Variants in TEX9 observed in about 807,000 individuals in gnomAD.
TEX9 encodes the protein testis-expressed protein 9.
A neutral mutation model predicts 59.6 loss-of-function variants in TEX9; 74 were observed. That is an observed-to-expected ratio of 1.24 (90% confidence interval 1.03 to 1.51). The LOEUF (loss-of-function observed/expected upper bound fraction) is 1.51. Ranked by LOEUF, TEX9 falls within the 40% of genes most tolerant of loss-of-function variation. The pLI, the probability that TEX9 is intolerant of heterozygous loss-of-function variation, is 0.00. For synonymous variants in TEX9, 186 were observed against 152.2 expected, an observed-to-expected ratio of 1.22 and a Z score of -1.64; for missense variants, 522 against 447.8, an observed-to-expected ratio of 1.17 and a Z score of -1.49.
In TEX9 at chr15:56,290,937, A is replaced by G. The variant is rs2045075600; in HGVS notation, c.-107+46659A>G. 2.6e-5 allele frequency among the ~76,000 whole-genome samples: 4 copies of G among 152,064 alleles called. 1 individual carries two copies. The South Asian group carries it at 8.3e-4, about 31-fold the overall frequency. ...ATCTTCTACTCTGCCATCTTGGTTG[A>G]CAAAGTACATTTTGGTCATGGCACA... On this transcript the variant is annotated intron_variant, in intron 1 of 5. Transcript: ENST00000560827.
At chr15:56,405,320 A>G (rs1401884880) in intron 9 of TEX9, among the ~76,000 whole-genome samples, 33 of 151,396 alleles carry the variant, frequency 2.2e-4, no homozygotes, top group Admixed American at 2.2e-3. Flanking sequence ...GAAAAAAAAA[A>G]AAAAAAAAGG....
At chr15:56,395,372 A>C (rs1390897423) in intron 9 of TEX9, 2 of 152,330 alleles carry the variant, frequency 1.3e-5, no homozygotes, top group Non-Finnish European at 2.9e-5. Context: ...TCTGTTTATC[A>C]GTTCGTAGCT....
At chr15:56,267,574 T>C (rs2044417016) in intron 1 of TEX9, among the ~76,000 whole-genome samples, 1 of 152,248 alleles carries the variant, frequency 6.6e-6, no homozygotes, top group Non-Finnish European at 1.5e-5. Context: ...ATACCATTTA[T>C]TAAATAGGGA....
chr15:56,307,272 A>G (rs1234245021), intron 1 of TEX9, among the ~76,000 whole-genome samples: 1 of 152,122 alleles, frequency 6.6e-6, no homozygotes, highest in East Asian at 1.9e-4. Flanking sequence ...CCCTTTCCCC[A>G]AGCTTATTGT....
At chr15:56,450,080 C>G (rs2050938096), downstream of TEX9, among the ~76,000 whole-genome samples, 1 of 152,074 alleles carries the variant, frequency 6.6e-6, no homozygotes, top group Non-Finnish European at 1.5e-5. Context: ...TTCCTCCTAC[C>G]TTCTTTTTGT....
chr15:56,321,454 A>G (rs2045900997), intron 1 of TEX9, among the ~76,000 whole-genome samples: 1 of 152,196 alleles, frequency 6.6e-6, no homozygotes, highest in Non-Finnish European at 1.5e-5. Context: ...CAATTCAACA[A>G]CAGTTATTCA....
At chr15:56,412,550 T>A (rs1423060598) in intron 10 of TEX9, 114 bp downstream of exon 10, 7 of 1,184,470 alleles carry the variant, frequency 5.9e-6, no homozygotes, top group Admixed American at 2.6e-5. Context: ...TGAACATTTC[T>A]CTTTTCAGAA....
intron 3 of TEX9, among the ~76,000 whole-genome samples, chr15:56,381,542 A>G (rs1676293428): frequency 6.6e-6 from 1 of 152,200 alleles, no homozygotes; most frequent in Admixed American, 6.5e-5. Context: ...GTCTTTCTTG[A>G]GAAGGCTTTC....
At chr15:56,357,936 C>T (rs2046714094) in intron 1 of TEX9, among the ~76,000 whole-genome samples, 1 of 152,090 alleles carries the variant, frequency 6.6e-6, no homozygotes, top group African/African-American at 2.4e-5. Context: ...CTTATGGTGA[C>T]TTGCTTCCTT....
intron 9 of TEX9, among the ~76,000 whole-genome samples, chr15:56,403,931 G>A (rs1482468541): frequency 5.3e-5 from 8 of 152,214 alleles, no homozygotes; most frequent in Admixed American, 5.2e-4. Context: ...CTAGCCATAT[G>A]CAGACAGCTG....
Position 56,248,182 on chromosome 15 carries a change from A to C in TEX9, c.-107+3904A>C. Among the ~76,000 whole-genome samples, 2 of 152,236 alleles carry C rather than the reference A, an allele frequency of 1.3e-5. 1 individual carries two copies. The highest frequency in any genetic ancestry group is 3.8e-4 in the East Asian group (2 of 5,202). ...GGAGGGAGTGAAGAGGAGAAAAATA[A>C]AAGCAGCAGCAAGATTACAGAAGAG... On this transcript the variant is annotated intron_variant, in intron 1 of 5. Transcript: ENST00000560827.
intron 1 of TEX9, among the ~76,000 whole-genome samples, chr15:56,273,397 G>T (rs1596058148): frequency 6.6e-6 from 1 of 152,084 alleles, no homozygotes; most frequent in Non-Finnish European, 1.5e-5. Context: ...CACATGTAAT[G>T]TTAGAACTTT....
At chr15:56,267,468 A>C (rs181462762) in intron 1 of TEX9, among the ~76,000 whole-genome samples, 1 of 152,322 alleles carries the variant, frequency 6.6e-6, no homozygotes. Flanking sequence ...TAAGTCTAAC[A>C]TTTAAGTCTT....
At chr15:56,457,604 TTAA>T in the TEX9 span, among the ~76,000 whole-genome samples, 2 of 152,134 alleles carry the variant, frequency 1.3e-5, no homozygotes, top group East Asian at 3.9e-4. Flanking sequence ...GGGAGGATCC[TTAA>T]GGCCAGGAGT....
intron 1 of TEX9, among the ~76,000 whole-genome samples, chr15:56,268,463 G>A (rs1180333918): frequency 3.3e-5 from 5 of 152,156 alleles, no homozygotes; most frequent in African/African-American, 1.2e-4. Context: ...CTGTGGGTTT[G>A]TCGTAAATAG....
chr15:56,393,783 G>A (rs571998385), intron 7 of TEX9: 1 of 169,834 alleles, frequency 5.9e-6, no homozygotes, highest in Admixed American at 6.5e-5. Context: ...TACAGTCAGT[G>A]GCATTTTGTA....
intron 1 of TEX9, among the ~76,000 whole-genome samples, chr15:56,253,023 G>T (rs924829822): frequency 5.3e-5 from 8 of 152,078 alleles, no homozygotes; most frequent in African/African-American, 1.9e-4. Context: ...TAGATTGATG[G>T]CAGGGGATAA....
rs2044082584 is a variant in TEX9 at position 56,253,750 on chromosome 15, C to T, written c.-107+9472C>T. The stretch of plus-strand genomic sequence containing the variant: ...AAATCTGACTGAAAATGTCACTTAT[C>T]GCTGCCCAATGTATAAGGTGGAAAA... On this transcript the variant is annotated intron_variant, in intron 1 of 5. Coordinates refer to the TEX9 transcript ENST00000560827. Among the ~76,000 whole-genome samples the T allele has an allele frequency of 3.3e-5, 5 of 152,094 alleles. No homozygotes were observed. In the South Asian group the frequency reaches 8.3e-4, roughly 25 times the overall value.
intron 3 of TEX9, among the ~76,000 whole-genome samples, chr15:56,376,867 G>A (rs2047479730): frequency 6.6e-6 from 1 of 152,082 alleles, no homozygotes; most frequent in South Asian, 2.1e-4. Context: ...TTTTCTTATA[G>A]TAATTTCATA....
Sources: allele counts gnomAD v4.1 joint callset (sites outside exome capture counted in the v4.1 genomes callset), GRCh38; gene constraint gnomAD v4.1.1; transcripts MANE v1.5; gene names NCBI Gene and HGNC (gene_info 2026-07-23, HGNC 2026-07-21).